The following GRIP1 variants were observed in gnomAD, a reference collection of about 807,000 sequenced individuals.
GRIP1 encodes the protein glutamate receptor interacting protein 1, also known as glutamate receptor-interacting protein 1.
GRIP1 carries 45 observed loss-of-function variants against 129.9 expected under a neutral mutation model. The observed-to-expected ratio is 0.35, with a 90% CI of 0.27 to 0.44. The LOEUF (loss-of-function observed/expected upper bound fraction) is 0.44, where lower values mean the gene tolerates loss of function less well. GRIP1 is among the 20% of genes least tolerant of loss of function. The pLI is 1.00. For missense variants in GRIP1, 1,196 were observed against 1,396.8 expected (o/e 0.86, Z 2.29); for synonymous variants, 530 against 520.8 (o/e 1.02, Z -0.24).
At chr12:66,588,936 T>C (rs1171957770) in intron 2 of GRIP1, among the ~76,000 whole-genome samples, 1 of 150,464 alleles carries the variant, frequency 6.6e-6, no homozygotes, top group East Asian at 2.0e-4. Flanking sequence ...AACATTGCAC[T>C]CCAGCCTGGG....
intron 1 of GRIP1, among the ~76,000 whole-genome samples, chr12:66,665,314 A>T (rs1209700839): frequency 6.6e-6 from 1 of 152,200 alleles, no homozygotes; most frequent in Non-Finnish European, 1.5e-5. Flanking sequence ...AACCAAAATA[A>T]ACTTTTTATT....
intron 1 of GRIP1, among the ~76,000 whole-genome samples, chr12:66,696,896 T>C (rs1382617044): frequency 3.3e-5 from 5 of 151,934 alleles, no homozygotes; most frequent in Admixed American, 3.3e-4. Context: ...TAATAGAATT[T>C]GGTAGATGCA....
chr12:66,752,618 G>C (rs559040105), intron 1 of GRIP1, among the ~76,000 whole-genome samples: 3 of 152,176 alleles, frequency 2.0e-5, no homozygotes, highest in Non-Finnish European at 4.4e-5. Flanking sequence ...CTTAGTTGCT[G>C]GTCAGTATGA....
intron 23 of GRIP1, among the ~76,000 whole-genome samples, chr12:66,356,276 G>C (rs1426124963): frequency 3.3e-5 from 5 of 152,192 alleles, no homozygotes; most frequent in Non-Finnish European, 7.3e-5. Context: ...TACAGACAGG[G>C]AAATGAAAGC....
At chr12:66,662,927 T>C (rs1229304085) in intron 1 of GRIP1, among the ~76,000 whole-genome samples, 1 of 152,210 alleles carries the variant, frequency 6.6e-6, no homozygotes, top group African/African-American at 2.4e-5. Context: ...AGTCAAGCTG[T>C]ACAATCTTGG....
intron 13 of GRIP1, among the ~76,000 whole-genome samples, chr12:66,439,061 C>T (rs2058397508): frequency 6.6e-6 from 1 of 152,154 alleles, no homozygotes; most frequent in South Asian, 2.1e-4. Context: ...TGAGCAAAGA[C>T]CTGAATGAAG....
intron 1 of GRIP1, among the ~76,000 whole-genome samples, chr12:67,002,070 A>G (rs1253943004): frequency 6.6e-6 from 1 of 152,190 alleles, no homozygotes; most frequent in African/African-American, 2.4e-5. Flanking sequence ...CCAGTTGTAA[A>G]TCCAGAGAAA....
chr12:66,908,595 T>A (rs2040975800), intron 1 of GRIP1, among the ~76,000 whole-genome samples: 1 of 148,584 alleles, frequency 6.7e-6, no homozygotes, highest in African/African-American at 2.4e-5. Context: ...TTAAACACCC[T>A]CTTGCACAGA....
chr12:66,510,204 T>C (rs2060656639), intron 7 of GRIP1, among the ~76,000 whole-genome samples: 1 of 152,148 alleles, frequency 6.6e-6, no homozygotes, highest in Admixed American at 6.6e-5. Flanking sequence ...ATTACTACCA[T>C]TTTACACAGG....
At chr12:66,748,100 C>T (rs918391439) in intron 1 of GRIP1, among the ~76,000 whole-genome samples, 3 of 151,930 alleles carry the variant, frequency 2.0e-5, no homozygotes, top group African/African-American at 7.3e-5. Context: ...CTCACTGCAA[C>T]CTCCACCTTC....
intron 1 of GRIP1, among the ~76,000 whole-genome samples, chr12:67,026,783 C>A (rs1381637171): frequency 6.6e-6 from 1 of 152,136 alleles, no homozygotes; most frequent in Non-Finnish European, 1.5e-5. Context: ...AAAATGGTGA[C>A]CCCTTTCTTT....
chr12:66,558,026 T>TA, intron 2 of GRIP1, among the ~76,000 whole-genome samples: 1 of 152,218 alleles, frequency 6.6e-6, no homozygotes, highest in East Asian at 1.9e-4. Flanking sequence ...TTCTTTTCTT[T>TA]AAAGTTAGTT....
At chr12:66,953,935 G>T (rs1208505980) in intron 1 of GRIP1, among the ~76,000 whole-genome samples, 1 of 152,044 alleles carries the variant, frequency 6.6e-6, no homozygotes, top group African/African-American at 2.4e-5. Context: ...CTCCTGTTTA[G>T]CAGATTTCAA....
intron 1 of GRIP1, among the ~76,000 whole-genome samples, chr12:66,897,576 G>A (rs1202842099): frequency 1.3e-5 from 2 of 152,196 alleles, no homozygotes; most frequent in African/African-American, 4.8e-5. Flanking sequence ...TGCATGGGAG[G>A]CAGTCATGAT....
chr12:66,589,411 T>C (rs745330921), intron 2 of GRIP1, among the ~76,000 whole-genome samples: 1 of 152,186 alleles, frequency 6.6e-6, no homozygotes, highest in Non-Finnish European at 1.5e-5. Context: ...AAATGACATG[T>C]TTCTGCACTA....
chr12:66,979,841 G>A (rs182929431), intron 1 of GRIP1, among the ~76,000 whole-genome samples: 11 of 152,250 alleles, frequency 7.2e-5, no homozygotes, highest in African/African-American at 2.4e-4. Flanking sequence ...CACCAGGGGT[G>A]GATGGCCAAC....
chr12:67,006,669 T>C (rs1026288765), intron 1 of GRIP1, among the ~76,000 whole-genome samples: 11 of 152,250 alleles, frequency 7.2e-5, no homozygotes, highest in Non-Finnish European at 1.6e-4. Flanking sequence ...ACGAGGCTAC[T>C]GGCTGGCACA....
intron 1 of GRIP1, among the ~76,000 whole-genome samples, chr12:66,649,697 G>GT (rs538107697): frequency 4.9e-4 from 75 of 152,184 alleles, no homozygotes; most frequent in Non-Finnish European, 9.3e-4. Context: ...AATTGGTAAA[G>GT]TTTCATTTTA....
intron 1 of GRIP1, among the ~76,000 whole-genome samples, chr12:66,609,096 T>C (rs999606178): frequency 3.3e-5 from 5 of 152,156 alleles, no homozygotes; most frequent in Middle Eastern, 3.4e-3. Context: ...ATTTCACAGA[T>C]ACTAAAACTG....
Sources: allele counts gnomAD v4.1 joint callset (sites outside exome capture counted in the v4.1 genomes callset), GRCh38; gene constraint gnomAD v4.1.1; transcripts MANE v1.5; gene names NCBI Gene and HGNC (gene_info 2026-07-23, HGNC 2026-07-21).